The following OCLN variants were observed in gnomAD, a reference collection of about 807,000 sequenced individuals.
The protein encoded by OCLN is occludin, also known as phosphatase 1, regulatory subunit 115.
In OCLN, 21 loss-of-function variants were observed where a neutral mutation model predicts 47.9. That is an observed-to-expected ratio of 0.44 (90% CI 0.31 to 0.63). The LOEUF (loss-of-function observed/expected upper bound fraction) is 0.63. Ranked by LOEUF, OCLN falls within the 30% of genes least tolerant of loss-of-function variation. The pLI is 0.08. For synonymous variants in OCLN, 117 were observed against 198.4 expected (o/e 0.59, Z 3.45); for missense variants, 360 against 571.0 (o/e 0.63, Z 3.77).
At chr5:69,510,202 A>G (rs746108295) in intron 3 of OCLN, among the ~76,000 whole-genome samples, 7 of 151,884 alleles carry the variant, frequency 4.6e-5, no homozygotes, top group Non-Finnish European at 7.3e-5. Flanking sequence ...GGTATTTCAT[A>G]TAAATGGAAT....
In OCLN at chr5:69,520,158, C is replaced by T. The variant is rs188077055; in HGVS notation, c.891+6049C>T. On this transcript the variant is annotated intron_variant, in intron 4 of 8. Transcript: ENST00000396442. ...ATGTTTAGTAGAGATGGGGTTTTGT[C>T]ATGTTGGCCAGGCTGGTCTCAAACT... 3.3e-3 allele frequency among the ~76,000 whole-genome samples: 498 copies of T among 152,114 alleles called. 3 individuals are homozygous for T. Among genetic ancestry groups the T allele is most frequent in the African/African-American group, 0.012 (483 of 41,490 alleles).
Position 69,534,739 on chromosome 5 carries a change from T to C in OCLN, c.937T>C (p.Ser313Pro), listed in dbSNP as rs774749463. 1.8e-6 allele frequency: 2 copies of C among 1,083,776 alleles called. No individual in the cohort carries two copies. The highest frequency in any genetic ancestry group is 4.9e-5 in the East Asian group (2 of 41,108). The allele number at this position is 1,083,776 out of a possible 1,614,324, so 67.1% of individuals were successfully genotyped here. The change falls in exon 5 of 9, where the codon TCT becomes CCT. Residue 313 changes from serine (S) to proline (P), a missense_variant. Ser to Pro is a moderately conservative substitution (Grantham distance 74). Transcript: ENST00000396442. ...AGTQDVPSPP[S>P]DYVERVDSPM... ...CACACAGGACGTGCCTTCACCCCCA[T>C]CTGACTATGTGGAAAGAGTTGACAG...
chr5:69,510,546 G>A (rs1261079140), intron 3 of OCLN, among the ~76,000 whole-genome samples: 2 of 152,044 alleles, frequency 1.3e-5, no homozygotes, highest in Non-Finnish European at 2.9e-5. Flanking sequence ...AGCTGGGCAT[G>A]GTGGCAGGCA....
rs1157269830 is a variant in OCLN, at chr5:69,555,265, T to G, written c.*1594T>G. The stretch of plus-strand genomic sequence containing the variant: ...TGTGTGTGTGTGTGTGTGTGTATTT[T>G]TTTTTTTTTTTTTTTGAGATGGAGT... On this transcript the variant is annotated 3_prime_UTR_variant, in exon 9 of 9. Transcript: ENST00000396442. The G allele has an allele frequency of 7.0e-6, 1 of 142,330 alleles. No homozygotes were observed. Among genetic ancestry groups the G allele is most frequent in the Admixed American group, 7.0e-5 (1 of 14,282 alleles). The allele number at this position is 142,330 out of a possible 1,614,324, so 8.8% of individuals were successfully genotyped here.
intron 4 of OCLN, among the ~76,000 whole-genome samples, chr5:69,533,056 TACATATATATATACACAC>T (rs1296924901): frequency 1.3e-5 from 2 of 148,406 alleles, no homozygotes; most frequent in African/African-American, 5.0e-5. Context: ...TACACATATA[TACATATATATATACACAC>T]ACATATATAT....
At chr5:69,518,291 T>C (rs1047022610) in intron 4 of OCLN, among the ~76,000 whole-genome samples, 1 of 152,222 alleles carries the variant, frequency 6.6e-6, no homozygotes, top group Admixed American at 6.5e-5. Flanking sequence ...AGTATTTTCA[T>C]TGTATGTAAA....
At chr5:69,513,269 T>G (rs1768835679) in intron 3 of OCLN, among the ~76,000 whole-genome samples, 2 of 152,126 alleles carry the variant, frequency 1.3e-5, no homozygotes. Context: ...CTATCACCAC[T>G]GGGAGAACTG....
intron 4 of OCLN, among the ~76,000 whole-genome samples, chr5:69,517,458 A>G (rs866900936): frequency 2.6e-5 from 4 of 151,822 alleles, no homozygotes; most frequent in Middle Eastern, 3.2e-3. Flanking sequence ...CTATAGGTGC[A>G]TACCACCATG....
rs1769966529 is a variant in OCLN at position 69,555,901 on chromosome 5, TTGGAC to T, written c.*2232_*2236del. On this transcript the variant is annotated 3_prime_UTR_variant, in exon 9 of 9. Transcript: ENST00000396442. ...TGCATTGTAAAATTGTGTTATAAAA[TTGGAC>T]TTTGAAATTTCAAAAATAAGAAAAA... is the stretch of plus-strand genomic sequence containing the variant. The T allele has an allele frequency of 7.3e-6, 1 of 136,256 alleles. No individual in the cohort carries two copies. The highest frequency in any genetic ancestry group is 2.5e-4 in the South Asian group (1 of 3,950). 8.4% of individuals were successfully genotyped at this position (136,256 alleles called of 1,614,324 possible). A position where few individuals can be genotyped will look rare whatever the true frequency, so the allele number is the denominator to read the frequency against.
chr5:69,515,135 CGGCTGGCCGGGCGGGG>C (rs971388246), intron 4 of OCLN, among the ~76,000 whole-genome samples: 2 of 149,638 alleles, frequency 1.3e-5, no homozygotes, highest in African/African-American at 2.5e-5. Context: ...CTGGACCGGG[CGGCTGGCCGGGCGGGG>C]GGCTGACCCC....
chr5:69,510,201 T>C (rs1768740644), intron 3 of OCLN, among the ~76,000 whole-genome samples: 1 of 151,928 alleles, frequency 6.6e-6, no homozygotes, highest in South Asian at 2.1e-4. Flanking sequence ...AGGTATTTCA[T>C]ATAAATGGAA....
chr5:69,522,894 C>CTTTTTTTTT (rs60505522), intron 4 of OCLN, among the ~76,000 whole-genome samples: 4 of 116,890 alleles, frequency 3.4e-5, no homozygotes, highest in African/African-American at 6.8e-5. Flanking sequence ...GCCTGGCTGA[C>CTTTTTTTTT]TTTTTTTTTT....
intron 1 of OCLN, among the ~76,000 whole-genome samples, chr5:69,499,094 T>TTTTAGACAGGGTATTA (rs1768386045): frequency 6.6e-6 from 1 of 152,206 alleles, no homozygotes; most frequent in Non-Finnish European, 1.5e-5. Flanking sequence ...TTTATTATTT[T>TTTTAGACAGGGTATTA]TTTAGACAGG....
intron 1 of OCLN, among the ~76,000 whole-genome samples, chr5:69,501,618 C>T (rs1230516023): frequency 7.7e-6 from 1 of 129,090 alleles, no homozygotes; most frequent in Non-Finnish European, 1.7e-5. Context: ...CAGAATGAGA[C>T]CTTGTCTCAA....
chr5:69,493,719 C>G lies in OCLN; in HGVS notation c.-69+819C>G, dbSNP rs1340338687. Among the ~76,000 whole-genome samples, 2 of 152,184 alleles carry G rather than the reference C, an allele frequency of 1.3e-5. No individual in the cohort carries two copies. The highest frequency in any genetic ancestry group is 4.8e-5 in the African/African-American group (2 of 41,448). ...GCCTCGGTGCGCACGGAAGCCGGGA[C>G]CCGCGCCCAGCCGGGCCACGGAGTT... On this transcript the variant is annotated intron_variant, in intron 1 of 8. Transcript: ENST00000396442. The surrounding 1 kb of genome is among the most constrained non-coding windows in gnomAD (Gnocchi z 5.3).
intron 1 of OCLN, among the ~76,000 whole-genome samples, chr5:69,502,694 A>G (rs1768494300): frequency 6.6e-6 from 1 of 152,216 alleles, no homozygotes; most frequent in South Asian, 2.1e-4. Flanking sequence ...GTACCTTGCC[A>G]GTGTCTCCAG....
At chr5:69,505,586 C>T (rs1412163540) in intron 2 of OCLN, among the ~76,000 whole-genome samples, 1 of 152,146 alleles carries the variant, frequency 6.6e-6, no homozygotes, top group East Asian at 1.9e-4. Flanking sequence ...ACTTTCCATA[C>T]TGTCAGTTTT....
At chr5:69,532,369 G>A (rs1489194944) in intron 4 of OCLN, among the ~76,000 whole-genome samples, 1 of 152,076 alleles carries the variant, frequency 6.6e-6, no homozygotes, top group Non-Finnish European at 1.5e-5. Flanking sequence ...CGAGTAGCTG[G>A]CACTACAAGC....
rs181926523 is a variant in OCLN at position 69,522,106 on chromosome 5, G to A, written c.891+7997G>A. Among the ~76,000 whole-genome samples, 82 of 152,266 alleles carry A rather than the reference G, an allele frequency of 5.4e-4. 1 individual carries two copies. Among genetic ancestry groups the A allele is most frequent in the African/African-American group, 1.9e-3 (79 of 41,562 alleles). On this transcript the variant is annotated intron_variant, in intron 4 of 8. Coordinates refer to ENST00000396442, the MANE Select transcript of OCLN (RefSeq NM_001205254.2). Reference sequence around the variant, plus strand: ...GTGCCTTGGCCTCCCAAAGTGTTGGGATTGTAGGCATTTGCCACCATGCCC... The same window carrying A: ...GTGCCTTGGCCTCCCAAAGTGTTGGAATTGTAGGCATTTGCCACCATGCCC...
Sources: allele counts gnomAD v4.1 joint callset (sites outside exome capture counted in the v4.1 genomes callset), GRCh38; gene constraint gnomAD v4.1.1; non-coding constraint Gnocchi (gnomAD v3.1); transcripts MANE v1.5; gene names NCBI Gene and HGNC (gene_info 2026-07-23, HGNC 2026-07-21).